The following ECE1 variants were observed in gnomAD, a reference collection of about 807,000 sequenced individuals.
The protein encoded by ECE1 is endothelin-converting enzyme 1.
In ECE1, 35 loss-of-function variants were observed where a neutral mutation model predicts 98.6. The observed-to-expected ratio is 0.35, with a 90% CI of 0.27 to 0.47. The LOEUF is 0.47. Among genes scored for constraint, ECE1 ranks in the 20% least tolerant of loss-of-function variants. The pLI is 1.00. For synonymous variants in ECE1, 394 were observed against 407.1 expected (o/e 0.97, Z 0.39); for missense variants, 814 against 1,025.3 (o/e 0.79, Z 2.81).
chr1:21,222,037 C>T (rs1255400846), intron 17 of ECE1, 195 bp from the exon 18 acceptor site: 5 of 624,928 alleles, frequency 8.0e-6, no homozygotes, highest in South Asian at 3.6e-5. Flanking sequence ...ATACCTTCTA[C>T]GCACTGATGG....
chr1:21,257,385 A>AG (rs1299352552), intron 7 of ECE1, 140 bp downstream of exon 7: 3 of 897,558 alleles, frequency 3.3e-6, no homozygotes, highest in African/African-American at 1.7e-5. Flanking sequence ...CTCCCCTGCC[A>AG]GGGTCTGCCT....
chr1:21,303,202 C>T (rs1638525400), intron 1 of ECE1, among the ~76,000 whole-genome samples: 1 of 152,354 alleles, frequency 6.6e-6, no homozygotes, highest in Admixed American at 6.5e-5. Flanking sequence ...GGCCGTGGTA[C>T]TCTCTCCTCA....
At chr1:21,231,167 A>T (rs2098181298) in intron 14 of ECE1, among the ~76,000 whole-genome samples, 1 of 152,090 alleles carries the variant, frequency 6.6e-6, no homozygotes, top group African/African-American at 2.4e-5. Context: ...AGACCAAAAA[A>T]GGTTTTGAAA....
intron 4 of ECE1, among the ~76,000 whole-genome samples, chr1:21,264,014 G>A (rs576161680): frequency 2.0e-5 from 3 of 152,320 alleles, no homozygotes; most frequent in Non-Finnish European, 2.9e-5. Context: ...CCAGGATGGC[G>A]GCAGAGAAGG....
intron 10 of ECE1, among the ~76,000 whole-genome samples, chr1:21,242,366 G>A (rs752367208): frequency 3.9e-5 from 6 of 152,128 alleles, no homozygotes; most frequent in Non-Finnish European, 5.9e-5. Context: ...GCTTTTTCCC[G>A]AATGAAGGCC....
At chr1:21,339,882 T>G (rs1433036848) in intron 1 of ECE1, among the ~76,000 whole-genome samples, 1 of 152,062 alleles carries the variant, frequency 6.6e-6, no homozygotes, top group Non-Finnish European at 1.5e-5. Flanking sequence ...CACTCTGCCC[T>G]CAGGGGCCCA....
chr1:21,273,346 CGTGTGTGTGTGTGTGTGT>C (rs60168069), intron 3 of ECE1, among the ~76,000 whole-genome samples: 1 of 133,158 alleles, frequency 7.5e-6, no homozygotes, highest in African/African-American at 3.1e-5. Context: ...TGCGTGTGTG[CGTGTGTGTGTGTGTGTGT>C]GTGTGTGTGT....
At position 21,238,194 on chromosome 1, in the gene ECE1, C is replaced by T; in HGVS notation, c.1329G>A (p.Leu443=). 6.2e-7 allele frequency: 1 copy of T among 1,614,254 alleles called. No homozygotes were observed. The highest frequency in any genetic ancestry group is 8.5e-7 in the Non-Finnish European group (1 of 1,180,048). ...CAAACATGGGGCCCAACGCAAAGCCCAGGTTGTTTTCTGTGTCACTCACGC... is the reference window on the plus strand; with the variant it reads ...CAAACATGGGGCCCAACGCAAAGCCTAGGTTGTTTTCTGTGTCACTCACGC... ...KFCVSDTENN[L]GFALGPMFVK... The change falls in exon 11 of 19, where the codon CTG becomes CTA. Residue 443 remains leucine, a synonymous_variant. Transcript: ENST00000374893.
At chr1:21,288,105 C>G (rs1252654303) in intron 2 of ECE1, among the ~76,000 whole-genome samples, 2 of 152,206 alleles carry the variant, frequency 1.3e-5, no homozygotes, top group Non-Finnish European at 2.9e-5. Flanking sequence ...ACCACACAAG[C>G]CAAGCTGGGT....
At chr1:21,236,984 G>C (rs1558375610) in intron 11 of ECE1, 140 bp from the exon 12 acceptor site, 6 of 844,972 alleles carry the variant, frequency 7.1e-6, no homozygotes, top group African/African-American at 1.7e-5. Flanking sequence ...GGGAGCCACA[G>C]CTGTGCTTCC....
chr1:21,322,634 C>T lies in ECE1; in HGVS notation c.3+22742G>A, dbSNP rs3026829. ...CACCAGTGTGGTGGCACTGTTTGGC[C>T]CTGAGGGGTTGGAAGTTGATCTAAC... is the stretch of plus-strand genomic sequence containing the variant. On this transcript the variant is annotated intron_variant, in intron 1 of 18. Transcript: ENST00000415912. This position sits in a 1 kb window ranked among gnomAD's most constrained non-coding sequence, Gnocchi z 4.1. Among the ~76,000 whole-genome samples the T allele has an allele frequency of 6.6e-6, 1 of 152,110 alleles. No homozygotes were observed. The highest frequency in any genetic ancestry group is 1.5e-5 in the Non-Finnish European group (1 of 68,002).
chr1:21,327,648 T>G lies in ECE1; in HGVS notation c.3+17728A>C, dbSNP rs1287142348. 2.6e-5 allele frequency among the ~76,000 whole-genome samples: 4 copies of G among 152,220 alleles called. No individual in the cohort carries two copies. On this transcript the variant is annotated intron_variant, in intron 1 of 18. Coordinates refer to the ECE1 transcript ENST00000415912. This position sits in a 1 kb window ranked among gnomAD's most constrained non-coding sequence, Gnocchi z 4.6. ...GAGGAAAATAAAGCCTCACCTGGTC[T>G]GCACGGCCCTGCGGGACCCAGCCCT...
rs1323863637 is a variant in ECE1 at position 21,233,143 on chromosome 1, T to C, written c.1670+415A>G. 5.3e-6 allele frequency: 1 copy of C among 188,766 alleles called. No homozygotes were observed. Among genetic ancestry groups the C allele is most frequent in the African/African-American group, 2.4e-5 (1 of 42,448 alleles). 11.7% of individuals were successfully genotyped at this position (188,766 alleles called of 1,614,324 possible). ...GTGAGGAACAATGGGAAAGCTGCTC[T>C]TGCTGGGGCCTCCTTGGGGTCTGGC... On this transcript the variant is annotated intron_variant, in intron 14 of 18. Coordinates refer to ENST00000374893, the MANE Select transcript of ECE1 (RefSeq NM_001397.3). This position sits in a 1 kb window ranked among gnomAD's most constrained non-coding sequence, Gnocchi z 4.0.
Position 21,227,904 on chromosome 1 carries a change from G to A in ECE1, c.1781+27C>T, listed in dbSNP as rs759403624. On this transcript the variant is annotated intron_variant, in intron 15 of 18. Transcript: ENST00000374893. ...AGGGCTGGGCTGGGGGAAAAGAATT[G>A]GGGTAGGGGCCCCAGAGGCAGCCTA... The A allele has an allele frequency of 2.0e-6, 3 of 1,535,116 alleles. No individual in the cohort carries two copies. The African/African-American group carries it at 4.1e-5, about 21-fold the overall frequency.
chr1:21,283,458 A>G (rs1010283711), intron 2 of ECE1, among the ~76,000 whole-genome samples: 3 of 152,024 alleles, frequency 2.0e-5, no homozygotes, highest in Admixed American at 1.3e-4. Context: ...TTTAGTAGAG[A>G]CAGGGTTTCA....
chr1:21,329,441 AG>A (rs150113431), intron 1 of ECE1, among the ~76,000 whole-genome samples: 5,236 of 152,300 alleles, frequency 0.034, 143 homozygotes, highest in Non-Finnish European at 0.051. Context: ...ACACGAGTAC[AG>A]GCCTTGCAGT....
chr1:21,341,263 T>G (rs998838429), intron 1 of ECE1, among the ~76,000 whole-genome samples: 14 of 152,224 alleles, frequency 9.2e-5, no homozygotes, highest in African/African-American at 3.4e-4. Context: ...TCAGTCTCAC[T>G]CACACTGACC....
intron 12 of ECE1, among the ~76,000 whole-genome samples, chr1:21,236,512 G>A (rs1406058307): frequency 1.3e-5 from 2 of 152,260 alleles, no homozygotes; most frequent in African/African-American, 4.8e-5. Flanking sequence ...AACCGAGCGT[G>A]GTGGCGCACG....
At chr1:21,273,119 G>A (rs2098242292) in intron 3 of ECE1, among the ~76,000 whole-genome samples, 2 of 152,234 alleles carry the variant, frequency 1.3e-5, no homozygotes, top group South Asian at 4.1e-4. Flanking sequence ...AATCCTTCCT[G>A]TGGCTAAAAG....
Sources: gnomAD v4.1 joint callset for allele counts (sites outside exome capture counted in the v4.1 genomes callset) on GRCh38, gnomAD v4.1.1 for gene constraint, Gnocchi (gnomAD v3.1) non-coding constraint, MANE v1.5 for transcripts, NCBI Gene and HGNC (gene_info 2026-07-23, HGNC 2026-07-21) for gene names.